Variants in SORCS3 observed in about 807,000 individuals in gnomAD.
SORCS3 encodes VPS10 domain-containing receptor SorCS3.
A neutral mutation model predicts 146.3 loss-of-function variants in SORCS3; 57 were observed. That is an observed-to-expected ratio of 0.39 (90% CI 0.31 to 0.49). The LOEUF is 0.49. Ranked by LOEUF, SORCS3 falls within the 20% of genes least tolerant of loss-of-function variation. The pLI is 0.92. For missense variants in SORCS3, 1,341 were observed against 1,575.5 expected (o/e 0.85, Z 2.52); for synonymous variants, 653 against 618.5 (o/e 1.06, Z -0.83).
intron 1 of SORCS3, 68 bp downstream of exon 1, chr10:104,642,022 G>GGGGGGCCCCCCCC: frequency 5.8e-6 from 1 of 173,332 alleles, no homozygotes; most frequent in Non-Finnish European, 1.1e-5. Context: ...GGGTGGGTGG[G>GGGGGGCCCCCCCC]AGCGAGGGAC....
intron 5 of SORCS3, 50 bp downstream of exon 5, chr10:105,043,178 C>G: frequency 6.7e-7 from 1 of 1,496,354 alleles, no homozygotes; most frequent in East Asian, 2.3e-5. Flanking sequence ...AATTATCAAA[C>G]AGCGTAGCAC....
chr10:105,255,294 G>A (rs751381671), intron 23 of SORCS3, among the ~76,000 whole-genome samples: 2 of 151,908 alleles, frequency 1.3e-5, no homozygotes, highest in Non-Finnish European at 2.9e-5. Flanking sequence ...GACACAGGAA[G>A]GGGAACATCA....
intron 1 of SORCS3, among the ~76,000 whole-genome samples, chr10:104,728,862 A>T (rs545491600): frequency 6.6e-6 from 1 of 152,352 alleles, no homozygotes; most frequent in African/African-American, 2.4e-5. Flanking sequence ...ATTAGGAATA[A>T]TGAATACAAA....
intron 3 of SORCS3, among the ~76,000 whole-genome samples, chr10:104,940,829 T>C (rs578251744): frequency 1.3e-5 from 2 of 152,212 alleles, no homozygotes; most frequent in African/African-American, 4.8e-5. Context: ...AATTTATAGA[T>C]TCAATGCCAT....
chr10:105,248,920 T>C (rs2056883159), intron 22 of SORCS3, among the ~76,000 whole-genome samples: 1 of 152,216 alleles, frequency 6.6e-6, no homozygotes, highest in Non-Finnish European at 1.5e-5. Context: ...TATTCTTTTT[T>C]TTATTTCAGT....
At chr10:105,138,615 G>T (rs1483014858) in intron 7 of SORCS3, among the ~76,000 whole-genome samples, 1 of 152,226 alleles carries the variant, frequency 6.6e-6, no homozygotes, top group Admixed American at 6.5e-5. Flanking sequence ...GCAGCCATCT[G>T]CAGAGCCGTG....
chr10:105,006,866 T>G (rs2133677715), intron 4 of SORCS3, among the ~76,000 whole-genome samples: 1 of 152,356 alleles, frequency 6.6e-6, no homozygotes, highest in African/African-American at 2.4e-5. Flanking sequence ...CTGCTTTATT[T>G]TTCTTCATAA....
At chr10:105,045,036 A>AG (rs1228493020) in intron 5 of SORCS3, among the ~76,000 whole-genome samples, 24 of 150,514 alleles carry the variant, frequency 1.6e-4, no homozygotes, top group Middle Eastern at 3.4e-3. Context: ...AAAAAAAAAA[A>AG]AAAAAGAAAG....
At chr10:104,751,089 T>C (rs2016978097) in intron 1 of SORCS3, among the ~76,000 whole-genome samples, 1 of 152,058 alleles carries the variant, frequency 6.6e-6, no homozygotes, top group African/African-American at 2.4e-5. Flanking sequence ...AAAAGAGACA[T>C]TATAGCAGCC....
intron 4 of SORCS3, among the ~76,000 whole-genome samples, chr10:104,982,555 C>A (rs1368844459): frequency 6.6e-6 from 1 of 152,102 alleles, no homozygotes; most frequent in African/African-American, 2.4e-5. Context: ...CTGAAGGGCA[C>A]TTTTCACTTA....
chr10:104,898,490 T>C (rs1481056061), intron 2 of SORCS3, among the ~76,000 whole-genome samples: 2 of 152,194 alleles, frequency 1.3e-5, no homozygotes, highest in Non-Finnish European at 2.9e-5. Flanking sequence ...ATGTGTGAGA[T>C]AAAATGCTAA....
At position 104,744,621 on chromosome 10, in the gene SORCS3, GGTCT is replaced by G. The variant is rs201796704; in HGVS notation, c.628-98164_628-98161del. ...GGGGCAGAACCAGAGTTTGAAATTA[GGTCT>G]GTCTGTTTCTAAAGCCCATGCTTTT... On this transcript the variant is annotated intron_variant, in intron 1 of 26. Coordinates refer to ENST00000369701, the MANE Select transcript of SORCS3 (RefSeq NM_014978.3). 3.9e-5 allele frequency among the ~76,000 whole-genome samples: 6 copies of G among 152,242 alleles called. No individual in the cohort carries two copies. The East Asian group carries it at 1.2e-3, about 29-fold the overall frequency.
At chr10:104,785,607 C>T (rs142954948) in intron 1 of SORCS3, among the ~76,000 whole-genome samples, 141 of 151,786 alleles carry the variant, frequency 9.3e-4, no homozygotes, top group African/African-American at 3.1e-3. Flanking sequence ...AAAAAATGTG[C>T]TTGCTGTCAA....
chr10:104,964,225 T>A (rs929601963), intron 3 of SORCS3, among the ~76,000 whole-genome samples: 49 of 152,178 alleles, frequency 3.2e-4, no homozygotes, highest in African/African-American at 1.1e-3. Context: ...AGAGTCCTTA[T>A]ATCAATGCCT....
At chr10:104,735,111 A>C (rs1301185396) in intron 1 of SORCS3, among the ~76,000 whole-genome samples, 1 of 152,194 alleles carries the variant, frequency 6.6e-6, no homozygotes, top group African/African-American at 2.4e-5. Flanking sequence ...ATCAAGAAAG[A>C]GAAGGGCTCC....
At chr10:104,960,607 A>G (rs1378929400) in intron 3 of SORCS3, among the ~76,000 whole-genome samples, 1 of 152,138 alleles carries the variant, frequency 6.6e-6, no homozygotes, top group Non-Finnish European at 1.5e-5. Context: ...CATTTAATCC[A>G]TGAATCCATG....
chr10:105,054,110 C>T (rs2055430792), intron 5 of SORCS3, among the ~76,000 whole-genome samples: 1 of 151,974 alleles, frequency 6.6e-6, no homozygotes, highest in Non-Finnish European at 1.5e-5. Context: ...TATTTATTAA[C>T]CATTGTATTT....
At chr10:104,867,052 T>A (rs2133564977) in intron 2 of SORCS3, among the ~76,000 whole-genome samples, 1 of 152,102 alleles carries the variant, frequency 6.6e-6, no homozygotes, top group East Asian at 1.9e-4. Flanking sequence ...ATTCCTGGGG[T>A]GGGGACAAGA....
At chr10:104,946,709 T>C (rs2019374754) in intron 3 of SORCS3, among the ~76,000 whole-genome samples, 1 of 152,142 alleles carries the variant, frequency 6.6e-6, no homozygotes, top group African/African-American at 2.4e-5. Flanking sequence ...TCTCCCCACC[T>C]CCCTGTGGGT....
Sources: allele counts gnomAD v4.1 joint callset (sites outside exome capture counted in the v4.1 genomes callset), GRCh38; gene constraint gnomAD v4.1.1; transcripts MANE v1.5; gene names NCBI Gene and HGNC (gene_info 2026-07-23, HGNC 2026-07-21).